Variants in COTL1 observed in about 807,000 individuals in gnomAD.
COTL1 encodes coactosin like F-actin binding protein 1.
In COTL1, 15 loss-of-function variants were observed where a neutral mutation model predicts 16.5. That is an observed-to-expected ratio of 0.91 (90% CI 0.61 to 1.40). COTL1 has a LOEUF of 1.40. Among genes scored for constraint, COTL1 ranks in the 40% most tolerant of loss-of-function variants. The pLI is 0.00. For missense variants in COTL1, 220 were observed against 201.5 expected (o/e 1.09, Z -0.56); for synonymous variants, 112 against 85.3 (o/e 1.31, Z -1.73).
chr16:84,608,736 T>A (rs971584145), intron 2 of COTL1, among the ~76,000 whole-genome samples: 1 of 152,108 alleles, frequency 6.6e-6, no homozygotes, highest in South Asian at 2.1e-4. Flanking sequence ...TGAAACCCTG[T>A]CTCTACAAAA....
chr16:84,594,764 T>G (rs1449821054), intron 2 of COTL1: 1 of 152,122 alleles, frequency 6.6e-6, no homozygotes, highest in Non-Finnish European at 1.5e-5. Flanking sequence ...CCAACGCAGT[T>G]TTTGGGGACC....
intron 2 of COTL1, chr16:84,595,972 A>G (rs1475998613): frequency 2.0e-5 from 3 of 152,218 alleles, no homozygotes; most frequent in East Asian, 1.9e-4. Context: ...ATGTATGTGT[A>G]TATGTGTGTG....
chr16:84,577,959 G>A (rs955739190), intron 3 of COTL1, among the ~76,000 whole-genome samples: 1 of 152,162 alleles, frequency 6.6e-6, no homozygotes, highest in African/African-American at 2.4e-5. Context: ...GAGATTTACA[G>A]AAGCCCCAAA....
rs4783024 is a variant in COTL1 at position 84,590,919 on chromosome 16, T to C, written c.161-657A>G. On this transcript the variant is annotated intron_variant, in intron 2 of 3. Coordinates refer to ENST00000262428, the MANE Select transcript of COTL1 (RefSeq NM_021149.5). This position sits in a 1 kb window ranked among gnomAD's most constrained non-coding sequence, Gnocchi z 5.5. ...GGCCCGGGATATGGCTCCGAGGATA[T>C]TTCACTTATGACTAGGGCAATTAGG... Among the ~76,000 whole-genome samples, 68,906 of 151,860 alleles carry C rather than the reference T, an allele frequency of 0.45. 16,020 individuals carry two copies. Among genetic ancestry groups the C allele is most frequent in the South Asian group, 0.61 (2,917 of 4,812 alleles).
intron 3 of COTL1, among the ~76,000 whole-genome samples, chr16:84,569,306 G>A (rs1904312222): frequency 6.6e-6 from 1 of 152,064 alleles, no homozygotes; most frequent in Non-Finnish European, 1.5e-5. Flanking sequence ...GGGCGACAGG[G>A]TGAGATCTGT....
rs772312264 is a variant in COTL1, at chr16:84,566,849, T to C, written c.425A>G (p.Glu142Gly). ...GTGGTGTGGCGGGGGCTGGGGTTACTCCGTCTGGGCGTCGTAATTGGCTCC... is the reference window on the plus strand; with the variant it reads ...GTGGTGTGGCGGGGGCTGGGGTTACCCCGTCTGGGCGTCGTAATTGGCTCC... The part of the protein sequence containing the change: ...AGGANYDAQT[E>G] Residue 142 changes from glutamate (E) to glycine (G), a missense_variant, in exon 4 of 4, where the codon GAG becomes GGG. Coordinates refer to ENST00000262428, the MANE Select transcript of COTL1 (RefSeq NM_021149.5). The C allele has an allele frequency of 2.5e-6, 4 of 1,609,990 alleles. No individual in the cohort carries two copies. Among genetic ancestry groups the C allele is most frequent in the East Asian group, 4.5e-5 (2 of 44,836 alleles).
intron 3 of COTL1, among the ~76,000 whole-genome samples, chr16:84,585,842 T>C (rs372433688): frequency 1.2e-4 from 18 of 152,240 alleles, no homozygotes; most frequent in African/African-American, 4.3e-4. Context: ...AGGTGGAAAA[T>C]GCAAATGATA....
At chr16:84,606,120 C>T (rs1457733134) in intron 2 of COTL1, among the ~76,000 whole-genome samples, 6 of 152,220 alleles carry the variant, frequency 3.9e-5, no homozygotes, top group African/African-American at 1.4e-4. Flanking sequence ...ACGTGCCATG[C>T]CTGCCTTCAA....
chr16:84,597,021 C>T (rs116842011), intron 2 of COTL1, among the ~76,000 whole-genome samples: 130 of 152,314 alleles, frequency 8.5e-4, no homozygotes, highest in African/African-American at 2.4e-3. Context: ...TAGCAGGGGC[C>T]GCATCCCAGC....
At position 84,566,840 on chromosome 16, in the gene COTL1, T is replaced by A; in HGVS notation, c.*5A>T. On this transcript the variant is annotated 3_prime_UTR_variant, in exon 4 of 4. Coordinates refer to ENST00000262428, the MANE Select transcript of COTL1 (RefSeq NM_021149.5). The stretch of plus-strand genomic sequence containing the variant: ...TGGCAAGGGGTGGTGTGGCGGGGGC[T>A]GGGGTTACTCCGTCTGGGCGTCGTA... 1 of 1,577,008 alleles carries A rather than the reference T, an allele frequency of 6.3e-7. No individual in the cohort carries two copies. The highest frequency in any genetic ancestry group is 8.6e-7 in the Non-Finnish European group (1 of 1,159,514).
intron 2 of COTL1, chr16:84,615,918 C>G (rs1905470008): frequency 6.6e-6 from 1 of 152,002 alleles, no homozygotes; most frequent in Non-Finnish European, 1.5e-5. Context: ...CTCTAGTAGT[C>G]ACACCACAAA....
chr16:84,580,778 T>C (rs1282461867), intron 3 of COTL1, among the ~76,000 whole-genome samples: 3 of 152,248 alleles, frequency 2.0e-5, no homozygotes, highest in African/African-American at 7.2e-5. Context: ...CCATATACGA[T>C]ACCTGATCCC....
At chr16:84,591,827 T>TAAAATAAAAC (rs1247808664) in intron 2 of COTL1, among the ~76,000 whole-genome samples, 18 of 85,290 alleles carry the variant, frequency 2.1e-4, no homozygotes, top group South Asian at 6.6e-4. Flanking sequence ...CTGTCTCAAA[T>TAAAATAAAAC]AAAATAAAAT....
chr16:84,611,730 T>C (rs150281200), intron 2 of COTL1, among the ~76,000 whole-genome samples: 3 of 152,366 alleles, frequency 2.0e-5, no homozygotes, highest in African/African-American at 7.2e-5. Flanking sequence ...ATCTGAACTA[T>C]ATCTACTTGG....
intron 3 of COTL1, among the ~76,000 whole-genome samples, chr16:84,587,667 G>A (rs1904763473): frequency 6.6e-6 from 1 of 152,166 alleles, no homozygotes; most frequent in African/African-American, 2.4e-5. Context: ...TGGGACCACA[G>A]CAAAGCCGAA....
At chr16:84,608,751 C>CA in intron 2 of COTL1, among the ~76,000 whole-genome samples, 1 of 152,196 alleles carries the variant, frequency 6.6e-6, no homozygotes, top group South Asian at 2.1e-4. Context: ...ACAAAAGATA[C>CA]AAAAATGAGC....
chr16:84,614,015 C>A (rs540857605), intron 2 of COTL1, among the ~76,000 whole-genome samples: 1 of 152,186 alleles, frequency 6.6e-6, no homozygotes, highest in Non-Finnish European at 1.5e-5. Context: ...AACCTCCCCC[C>A]TCCCCGCAAG....
chr16:84,591,267 T>C (rs1000306109), intron 2 of COTL1, among the ~76,000 whole-genome samples: 1 of 151,466 alleles, frequency 6.6e-6, no homozygotes, highest in Non-Finnish European at 1.5e-5. Flanking sequence ...CACTGCAAGC[T>C]TGGCCTCTAG....
intron 2 of COTL1, among the ~76,000 whole-genome samples, chr16:84,601,160 G>C (rs1379532989): frequency 6.6e-6 from 1 of 152,178 alleles, no homozygotes; most frequent in African/African-American, 2.4e-5. Flanking sequence ...TTATACTCTT[G>C]TGTCTGCTTT....
Sources: allele counts gnomAD v4.1 joint callset (sites outside exome capture counted in the v4.1 genomes callset), GRCh38; gene constraint gnomAD v4.1.1; non-coding constraint Gnocchi (gnomAD v3.1); transcripts MANE v1.5; gene names NCBI Gene and HGNC (gene_info 2026-07-23, HGNC 2026-07-21).